Variants in INPP4B observed in about 807,000 individuals in gnomAD.
INPP4B encodes the protein inositol polyphosphate 4-phosphatase type II.
In INPP4B, 55 loss-of-function variants were observed where a neutral mutation model predicts 122.5. The observed-to-expected ratio is 0.45, with a 90% CI of 0.36 to 0.56. INPP4B has a LOEUF of 0.56. Among genes scored for constraint, INPP4B ranks in the 20% least tolerant of loss-of-function variants. The probability of loss-of-function intolerance (pLI) is 0.00; values close to 1 mark genes in which losing one functional copy is unlikely to be tolerated. For synonymous variants in INPP4B, 403 were observed against 388.7 expected, an observed-to-expected ratio of 1.04 and a Z score of -0.43; for missense variants, 1,000 against 1,097.7, an observed-to-expected ratio of 0.91 and a Z score of 1.26.
chr4:142,618,082 A>G (rs1383313181), intron 2 of INPP4B, among the ~76,000 whole-genome samples: 5 of 152,196 alleles, frequency 3.3e-5, no homozygotes, highest in Non-Finnish European at 7.3e-5. Flanking sequence ...TTCATGTGCT[A>G]TAGTAATATA....
rs2152760297 is a variant in INPP4B at position 142,124,750 on chromosome 4, A to G, written c.1731T>C (p.Tyr577=). The G allele has an allele frequency of 6.4e-7, 1 of 1,556,580 alleles. No individual in the cohort carries two copies. Among genetic ancestry groups the G allele is most frequent in the East Asian group, 2.3e-5 (1 of 43,416 alleles). The change falls in exon 19 of 26, where the codon TAT becomes TAC. Residue 577 remains tyrosine, a synonymous_variant. Coordinates refer to ENST00000262992, the MANE Select transcript of INPP4B (RefSeq NM_001101669.3). The stretch of plus-strand genomic sequence containing the variant: ...TAAGGATGAGGGGATACAACTGTTC[A>G]TACCAGTCCTCTGGGGGAAGGGGGT... ...AIPSHPREDW[Y]EQLYPLILTL... is the part of the protein sequence containing the mutation.
At chr4:142,519,572 A>G (rs1335176763) in intron 2 of INPP4B, among the ~76,000 whole-genome samples, 1 of 152,180 alleles carries the variant, frequency 6.6e-6, no homozygotes, top group Non-Finnish European at 1.5e-5. Context: ...GATAAGCTGT[A>G]GCAGGACAGT....
At chr4:142,323,929 T>C (rs939150827) in intron 7 of INPP4B, among the ~76,000 whole-genome samples, 5 of 152,102 alleles carry the variant, frequency 3.3e-5, no homozygotes, top group Admixed American at 6.5e-5. Flanking sequence ...TACAATTCAG[T>C]GTCATTGGCT....
At chr4:142,314,101 C>G (rs543909370) in intron 8 of INPP4B, among the ~76,000 whole-genome samples, 168 of 152,270 alleles carry the variant, frequency 1.1e-3, no homozygotes, top group Non-Finnish European at 2.1e-3. Flanking sequence ...ACACACAGAT[C>G]GCAGGGATTC....
At chr4:142,354,693 T>C (rs1202702025) in intron 7 of INPP4B, among the ~76,000 whole-genome samples, 1 of 152,148 alleles carries the variant, frequency 6.6e-6, no homozygotes, top group East Asian at 1.9e-4. Context: ...GTCCAATCTT[T>C]CATTGGAATG....
chr4:142,421,960 C>A (rs1339423642), intron 5 of INPP4B, among the ~76,000 whole-genome samples: 1 of 152,040 alleles, frequency 6.6e-6, no homozygotes, highest in Non-Finnish European at 1.5e-5. Flanking sequence ...GGGGATATTG[C>A]CTGATGGTTA....
intron 10 of INPP4B, among the ~76,000 whole-genome samples, chr4:142,262,476 A>G (rs985976735): frequency 6.6e-6 from 1 of 152,080 alleles, no homozygotes; most frequent in East Asian, 1.9e-4. Context: ...CAAACATCAC[A>G]TTATCAGTGA....
At chr4:142,445,711 G>A (rs1305086283) in intron 3 of INPP4B, among the ~76,000 whole-genome samples, 2 of 152,070 alleles carry the variant, frequency 1.3e-5, no homozygotes, top group African/African-American at 4.8e-5. Flanking sequence ...CTTATAAAAT[G>A]CTCTGCCTAA....
chr4:142,698,804 T>A (rs1761343887), intron 2 of INPP4B, among the ~76,000 whole-genome samples: 1 of 152,160 alleles, frequency 6.6e-6, no homozygotes, highest in Non-Finnish European at 1.5e-5. Context: ...TGTTCTTAGC[T>A]CAGCAAGAAG....
At chr4:142,220,053 A>G (rs187675269) in intron 12 of INPP4B, among the ~76,000 whole-genome samples, 78 of 152,324 alleles carry the variant, frequency 5.1e-4, no homozygotes, top group African/African-American at 1.6e-3. Flanking sequence ...TCTATCATCA[A>G]TGAATGTTCT....
intron 1 of INPP4B, among the ~76,000 whole-genome samples, chr4:142,761,645 T>C (rs551343911): frequency 6.6e-6 from 1 of 152,314 alleles, no homozygotes; most frequent in South Asian, 2.1e-4. Context: ...CATTGTCAAG[T>C]TGACCAAGCA....
chr4:142,480,290 T>A (rs1820349493), intron 2 of INPP4B, among the ~76,000 whole-genome samples: 1 of 152,194 alleles, frequency 6.6e-6, no homozygotes, highest in Admixed American at 6.5e-5. Context: ...ATGTTATCAA[T>A]TCATAGATCC....
chr4:142,366,630 G>A (rs972042692), intron 7 of INPP4B, among the ~76,000 whole-genome samples: 1 of 152,058 alleles, frequency 6.6e-6, no homozygotes, highest in African/African-American at 2.4e-5. Context: ...AAAAATAGGA[G>A]GATTCAGTGT....
intron 11 of INPP4B, among the ~76,000 whole-genome samples, chr4:142,260,099 CT>C (rs1335411711): frequency 1.3e-5 from 2 of 152,122 alleles, no homozygotes; most frequent in African/African-American, 4.8e-5. Flanking sequence ...ATTCTCTTGC[CT>C]CAGCCTTCAG....
chr4:142,205,560 T>C (rs1842273008), intron 14 of INPP4B, among the ~76,000 whole-genome samples: 1 of 152,138 alleles, frequency 6.6e-6, no homozygotes, highest in Admixed American at 6.6e-5. Flanking sequence ...GTTCCAGTGA[T>C]GGAAAATGCC....
chr4:142,423,637 ATTG>A (rs1202912089), intron 5 of INPP4B: 1 of 265,972 alleles, frequency 3.8e-6, no homozygotes, highest in African/African-American at 2.3e-5. Flanking sequence ...ACCAGTACAT[ATTG>A]TTGTGAAAAA....
chr4:142,172,787 T>C (rs1211333036), intron 16 of INPP4B, among the ~76,000 whole-genome samples: 1 of 151,982 alleles, frequency 6.6e-6, no homozygotes, highest in Non-Finnish European at 1.5e-5. Context: ...CACTTTTGTC[T>C]TACTCTACAA....
chr4:142,630,227 C>G (rs1268876402), intron 2 of INPP4B, among the ~76,000 whole-genome samples: 1 of 152,060 alleles, frequency 6.6e-6, no homozygotes, highest in Non-Finnish European at 1.5e-5. Context: ...TGCTTTTAAT[C>G]TAGTTATTCC....
At chr4:142,563,272 G>A (rs1013473473) in intron 2 of INPP4B, among the ~76,000 whole-genome samples, 1 of 152,204 alleles carries the variant, frequency 6.6e-6, no homozygotes, top group Non-Finnish European at 1.5e-5. Context: ...TCCACAGTTT[G>A]CTGTGTTTGA....
Sources: allele counts gnomAD v4.1 joint callset (sites outside exome capture counted in the v4.1 genomes callset), GRCh38; gene constraint gnomAD v4.1.1; transcripts MANE v1.5; gene names NCBI Gene and HGNC (gene_info 2026-07-23, HGNC 2026-07-21).